Variants in RUNX1T1 observed in about 807,000 individuals in gnomAD.
RUNX1T1 encodes the protein RUNX1 partner transcriptional co-repressor 1, also known as protein CBFA2T1.
In RUNX1T1, 4 loss-of-function variants were observed where a neutral mutation model predicts 62.8. The ratio of observed to expected loss-of-function variants is 0.06; its 90% confidence interval spans 0.03 to 0.15. RUNX1T1 has a LOEUF of 0.15. RUNX1T1 is among the 10% of genes least tolerant of loss of function. RUNX1T1 has a pLI of 1.00. For missense variants in RUNX1T1, 508 were observed against 754.3 expected (o/e 0.67, Z 3.82); for synonymous variants, 291 against 286.0 (o/e 1.02, Z -0.18).
intron 1 of RUNX1T1, among the ~76,000 whole-genome samples, chr8:92,021,343 T>G (rs150511036): frequency 2.9e-4 from 44 of 152,304 alleles, no homozygotes; most frequent in Middle Eastern, 3.4e-3. Flanking sequence ...GTGACTCCAA[T>G]GTCTGGGTGT....
intron 5 of RUNX1T1, among the ~76,000 whole-genome samples, chr8:91,998,943 A>T (rs1296326656): frequency 2.0e-5 from 3 of 152,212 alleles, no homozygotes; most frequent in African/African-American, 7.2e-5. Flanking sequence ...ATACACTACT[A>T]AAAATGACTG....
intron 1 of RUNX1T1, among the ~76,000 whole-genome samples, chr8:92,018,958 G>A (rs937492512): frequency 1.3e-4 from 20 of 152,200 alleles, no homozygotes; most frequent in Admixed American, 1.3e-3. Context: ...TGTTCTGAGT[G>A]AAAGGATGGT....
intron 1 of RUNX1T1, among the ~76,000 whole-genome samples, chr8:92,056,965 G>A (rs887151963): frequency 5.3e-5 from 8 of 152,148 alleles, no homozygotes; most frequent in African/African-American, 1.9e-4. Flanking sequence ...CTGTCAGGGA[G>A]TAAATTTATG....
In RUNX1T1 at chr8:92,011,060, G is replaced by A. The variant is rs760524107; in HGVS notation, c.419C>T (p.Ser140Phe). ...GAAGTTAGTAGCTTCTTGCAGTTTG[G>A]AATGAAATTCTTCAATTGTCAAAGT... Residue 140 changes from serine to phenylalanine, a missense_variant, in exon 4 of 11, where the codon TCC becomes TTC. This residue lies in a region of RUNX1T1 where 36 missense variants were observed against 96.6 expected (regional missense o/e 0.37). Transcript: ENST00000396218. 6 of 1,609,232 alleles carry A rather than the reference G, an allele frequency of 3.7e-6. No individual in the cohort carries two copies. The East Asian group carries it at 1.3e-4, about 36-fold the overall frequency.
At chr8:92,016,838 C>T (rs907015944) in intron 2 of RUNX1T1, among the ~76,000 whole-genome samples, 4 of 152,050 alleles carry the variant, frequency 2.6e-5, no homozygotes, top group African/African-American at 9.7e-5. Context: ...AAGAAGTAAC[C>T]TAGAAATAAT....
chr8:92,096,081 A>G (rs1033755403), intron 1 of RUNX1T1, among the ~76,000 whole-genome samples: 1 of 152,150 alleles, frequency 6.6e-6, no homozygotes. Context: ...CCTAAATTCC[A>G]GCCCCTGCAC....
At chr8:92,082,782 CA>C (rs1216884410) in intron 1 of RUNX1T1, among the ~76,000 whole-genome samples, 5 of 152,004 alleles carry the variant, frequency 3.3e-5, no homozygotes, top group Non-Finnish European at 7.4e-5. Flanking sequence ...CAATGTCAGA[CA>C]AAAGACCAGA....
upstream of RUNX1T1, among the ~76,000 whole-genome samples, chr8:92,065,236 G>A (rs1179592682): frequency 1.3e-5 from 2 of 152,114 alleles, no homozygotes; most frequent in Admixed American, 6.5e-5. Flanking sequence ...CATCCAAATT[G>A]TATAATAAAA....
At chr8:92,031,099 A>G (rs1342582686) in intron 1 of RUNX1T1, among the ~76,000 whole-genome samples, 2 of 152,156 alleles carry the variant, frequency 1.3e-5, no homozygotes, top group African/African-American at 2.4e-5. Flanking sequence ...AAAATACCAC[A>G]ATCATCCTAA....
At chr8:91,969,072 CA>C (rs567608188) in intron 10 of RUNX1T1, among the ~76,000 whole-genome samples, 131 of 134,754 alleles carry the variant, frequency 9.7e-4, no homozygotes, top group Middle Eastern at 4.0e-3. Context: ...CCCAAGAGGT[CA>C]AAAAAAAAAA....
At chr8:91,997,930 C>T (rs1233600283) in intron 5 of RUNX1T1, among the ~76,000 whole-genome samples, 1 of 152,134 alleles carries the variant, frequency 6.6e-6, no homozygotes, top group African/African-American at 2.4e-5. Flanking sequence ...AGTCTGGAGA[C>T]TTACTTTATT....
intron 1 of RUNX1T1, among the ~76,000 whole-genome samples, chr8:92,080,909 C>G (rs961162486): frequency 6.6e-6 from 1 of 152,184 alleles, no homozygotes; most frequent in Non-Finnish European, 1.5e-5. Flanking sequence ...GTATCAACAA[C>G]GCAATATGAC....
Position 91,970,914 on chromosome 8 carries a change from G to A in RUNX1T1, c.1268-66C>T, listed in dbSNP as rs565210913. The stretch of plus-strand genomic sequence containing the variant: ...TCAGTTAGCCGAAGTCATTGGATAC[G>A]GATTACTTTTCTTTTAATTTTTTTT... On this transcript the variant is annotated intron_variant, in intron 9 of 10. Coordinates refer to ENST00000396218, the Ensembl canonical transcript of RUNX1T1. 65 of 1,317,760 alleles carry A rather than the reference G, an allele frequency of 4.9e-5. No individual in the cohort carries two copies. In the East Asian group the frequency reaches 7.0e-4, roughly 14 times the overall value. The allele number at this position is 1,317,760 out of a possible 1,614,324, so 81.6% of individuals were successfully genotyped here.
At chr8:92,032,251 A>G (rs1309427584) in intron 1 of RUNX1T1, among the ~76,000 whole-genome samples, 1 of 152,086 alleles carries the variant, frequency 6.6e-6, no homozygotes, top group Non-Finnish European at 1.5e-5. Context: ...TTTAGTATAC[A>G]ATAATTTCTC....
chr8:92,014,663 C>T (rs1178327850), exon 3 of RUNX1T1: 2 of 1,613,996 alleles, frequency 1.2e-6, no homozygotes, highest in East Asian at 2.2e-5. Flanking sequence ...TAGTAAGGAA[C>T]CTTTTCAGCT....
chr8:91,998,498 A>C lies in RUNX1T1; in HGVS notation c.660-6609T>G, dbSNP rs573751304. On this transcript the variant is annotated intron_variant, in intron 5 of 10. Coordinates refer to ENST00000396218, the Ensembl canonical transcript of RUNX1T1. ...CAGTGTGCTAATACCTTTAGAAGTA[A>C]GTAAGAGGCAGATGGATACGTGCCA... Among the ~76,000 whole-genome samples, 20 of 152,290 alleles carry C rather than the reference A, an allele frequency of 1.3e-4. No individual in the cohort carries two copies. In the South Asian group the frequency reaches 3.9e-3, roughly 30 times the overall value.
chr8:92,002,162 C>T (rs1819883770), intron 5 of RUNX1T1, among the ~76,000 whole-genome samples: 1 of 152,072 alleles, frequency 6.6e-6, no homozygotes, highest in South Asian at 2.1e-4. Flanking sequence ...CTTACTTTCC[C>T]TAATATTTTA....
intron 5 of RUNX1T1, chr8:91,994,585 G>A (rs1818326387): frequency 2.0e-6 from 1 of 496,724 alleles, no homozygotes; most frequent in African/African-American, 1.9e-5. Flanking sequence ...TGTGACCTTG[G>A]TCAAGTCACT....
chr8:92,037,158 A>C (rs1313339133), intron 1 of RUNX1T1, among the ~76,000 whole-genome samples: 4 of 152,152 alleles, frequency 2.6e-5, no homozygotes, highest in African/African-American at 9.7e-5. Flanking sequence ...GAAATTCTGA[A>C]ATAAACTTTC....
Sources: gnomAD v4.1 joint callset for allele counts (sites outside exome capture counted in the v4.1 genomes callset) on GRCh38, gnomAD v4.1.1 for gene constraint, gnomAD v4.1.1 regional missense constraint, MANE v1.5 for transcripts, NCBI Gene and HGNC (gene_info 2026-07-23, HGNC 2026-07-21) for gene names.